Variants in AATF observed in about 807,000 individuals in gnomAD.
The protein encoded by AATF is protein AATF.
A neutral mutation model predicts 63.7 loss-of-function variants in AATF; 48 were observed. The ratio of observed to expected loss-of-function variants is 0.75; its 90% CI spans 0.60 to 0.96. The LOEUF is 0.96. Among genes scored for constraint, AATF ranks in the 40% least tolerant of loss-of-function variants. The pLI, the probability that AATF is intolerant of heterozygous loss-of-function variation, is 0.00. For missense variants in AATF, 639 were observed against 685.7 expected, an observed-to-expected ratio of 0.93 and a Z score of 0.76; for synonymous variants, 258 against 247.7, an observed-to-expected ratio of 1.04 and a Z score of -0.39.
rs1340573131 is a variant in AATF at position 36,953,166 on chromosome 17, C to A, written c.564C>A (p.Asp188Glu). 1.2e-6 allele frequency: 2 copies of A among 1,614,114 alleles called. No homozygotes were observed. The highest frequency in any genetic ancestry group is 1.7e-6 in the Non-Finnish European group (2 of 1,180,024). Residue 188 changes from aspartate to glutamate, a missense_variant, in exon 3 of 12, where the codon GAC becomes GAA. Coordinates refer to ENST00000619387, the MANE Select transcript of AATF (RefSeq NM_012138.4). ...TGGAAGAAGGGGATGACGCGGAAGA[C>A]TCCCAAGGCGAGAGTGAGGAAGACA... ...SGMEEGDDAE[D>E]SQGESEEDRA... is the part of the protein sequence containing the mutation.
intron 4 of AATF, among the ~76,000 whole-genome samples, chr17:36,974,301 C>T (rs1319990242): frequency 6.6e-6 from 1 of 151,792 alleles, no homozygotes; most frequent in Non-Finnish European, 1.5e-5. Flanking sequence ...AATATTTTTC[C>T]TTGTCATTAA....
intron 11 of AATF, chr17:37,052,708 C>G (rs2071763324): frequency 6.6e-6 from 1 of 152,436 alleles, no homozygotes; most frequent in South Asian, 2.1e-4. Flanking sequence ...TCGTCCTTCT[C>G]TGGCCTTGAA....
At chr17:37,008,465 G>A (rs966620052) in intron 8 of AATF, among the ~76,000 whole-genome samples, 4 of 152,190 alleles carry the variant, frequency 2.6e-5, no homozygotes, top group African/African-American at 9.6e-5. Flanking sequence ...TCACATAAGT[G>A]AAAATTCATA....
At position 36,950,523 on chromosome 17, in the gene AATF, G is replaced by A. The variant is rs35798242; in HGVS notation, c.283+118G>A. 2.7e-3 allele frequency: 2,974 copies of A among 1,083,862 alleles called. 54 individuals are homozygous for A. The African/African-American group carries it at 0.042, about 15-fold the overall frequency. 67.1% of individuals were successfully genotyped at this position (1,083,862 alleles called of 1,614,324 possible). A position where few individuals can be genotyped will look rare whatever the true frequency, so the allele number is the denominator to read the frequency against. ...GTCTGCGGATCTTTTTTTTGAGACA[G>A]AGTTTGGCTCTTGTTGCCCAGGCTG... is the stretch of plus-strand genomic sequence containing the variant. On this transcript the variant is annotated intron_variant, in intron 2 of 11. Transcript: ENST00000619387.
At position 36,949,188 on chromosome 17, in the gene AATF, G is replaced by GGCGGACCCTGAA; in HGVS notation, c.72_83dup (p.Ala26_Glu29dup). 1 of 1,593,818 alleles carries GGCGGACCCTGAA rather than the reference G, an allele frequency of 6.3e-7. No individual in the cohort carries two copies. Among genetic ancestry groups the GGCGGACCCTGAA allele is most frequent in the Non-Finnish European group, 8.5e-7 (1 of 1,171,936 alleles). ...AGTTGTTGAACCCGCGACCAAGCGAGGCGGACCCTGAAGCGGACCCCGAGG... is the reference window on the plus strand; with the variant it reads ...AGTTGTTGAACCCGCGACCAAGCGAGGCGGACCCTGAAGCGGACCCTGAAGCGGACCCCGAGG... On this transcript the variant is annotated inframe_insertion, in exon 1 of 12. Transcript: ENST00000619387.
At chr17:36,982,672 T>C (rs150056606) in intron 4 of AATF, among the ~76,000 whole-genome samples, 1 of 152,268 alleles carries the variant, frequency 6.6e-6, no homozygotes, top group African/African-American at 2.4e-5. Context: ...TTGTTGTTTT[T>C]TTTGTTTGTT....
At chr17:37,046,730 AACACACACACACACACACACACACACAC>A (rs58296683) in intron 11 of AATF, among the ~76,000 whole-genome samples, 10 of 140,056 alleles carry the variant, frequency 7.1e-5, no homozygotes, top group Non-Finnish European at 9.3e-5. Flanking sequence ...GTGCTCCCCC[AACACACACACACACACACACACACACAC>A]ACACACACAC....
chr17:36,983,135 A>G (rs955407055), intron 4 of AATF, among the ~76,000 whole-genome samples: 24 of 151,940 alleles, frequency 1.6e-4, no homozygotes, highest in African/African-American at 5.8e-4. Context: ...TCAACCACCT[A>G]GGCTTAAGGG....
Position 37,043,318 on chromosome 17 carries a change from C to T in AATF, c.1619+11633C>T, listed in dbSNP as rs1350004393. 3.3e-5 allele frequency: 5 copies of T among 152,366 alleles called. No individual in the cohort carries two copies. In the East Asian group the frequency reaches 7.7e-4, roughly 23 times the overall value. 9.4% of individuals were successfully genotyped at this position (152,366 alleles called of 1,614,324 possible). A position where few individuals can be genotyped will look rare whatever the true frequency, so the allele number is the denominator to read the frequency against. On this transcript the variant is annotated intron_variant, in intron 11 of 11. Coordinates refer to ENST00000619387, the MANE Select transcript of AATF (RefSeq NM_012138.4). ...TCCCTGGGACACACTCCCTATTCTG[C>T]ATGTCTGTTCATTCTGCTCATAGCC... is the stretch of plus-strand genomic sequence containing the variant.
chr17:37,051,693 GACAGACACACACACAC>G (rs1444950345), intron 11 of AATF, among the ~76,000 whole-genome samples: 2 of 140,942 alleles, frequency 1.4e-5, no homozygotes, highest in Non-Finnish European at 3.1e-5. Flanking sequence ...CAGACAGACA[GACAGACACACACACAC>G]ACACACACAC....
intron 8 of AATF, among the ~76,000 whole-genome samples, chr17:37,012,576 G>A (rs567089294): frequency 6.6e-6 from 1 of 152,326 alleles, no homozygotes; most frequent in South Asian, 2.1e-4. Context: ...ATAGAGGGTT[G>A]CCCCAAGCTT....
rs2070897964 is a variant in AATF at position 36,956,162 on chromosome 17, G to C, written c.832+2255G>C. On this transcript the variant is annotated intron_variant, in intron 4 of 11. Coordinates refer to ENST00000619387, the MANE Select transcript of AATF (RefSeq NM_012138.4). ...CTTAACCAATTGCCTTTACCTCATT[G>C]ATGAACCTCAATTAATCTGACAGCA... 2.6e-5 allele frequency among the ~76,000 whole-genome samples: 4 copies of C among 152,112 alleles called. No individual in the cohort carries two copies. In the South Asian group the frequency reaches 8.3e-4, roughly 32 times the overall value.
At chr17:36,983,514 A>AT (rs981340016) in intron 4 of AATF, among the ~76,000 whole-genome samples, 26 of 151,268 alleles carry the variant, frequency 1.7e-4, no homozygotes, top group Non-Finnish European at 3.1e-4. Context: ...TACCCGGCTG[A>AT]TTTTTTTTGT....
intron 8 of AATF, among the ~76,000 whole-genome samples, chr17:36,999,661 A>T (rs953281353): frequency 1.3e-5 from 2 of 152,218 alleles, no homozygotes; most frequent in African/African-American, 2.4e-5. Flanking sequence ...GTAGAGAATG[A>T]TGAAACTGGT....
At chr17:37,052,582 C>T (rs892606597) in intron 11 of AATF, 1 of 152,246 alleles carries the variant, frequency 6.6e-6, no homozygotes, top group Non-Finnish European at 1.5e-5. Flanking sequence ...CAGAGACTTT[C>T]CAAGGGGAAG....
chr17:36,974,920 T>C (rs971853534), intron 4 of AATF, among the ~76,000 whole-genome samples: 2 of 152,206 alleles, frequency 1.3e-5, no homozygotes, highest in Admixed American at 1.3e-4. Flanking sequence ...TCTGGAATTA[T>C]ATCTACCTCA....
At chr17:37,024,968 A>G (rs2071500397) in intron 10 of AATF, among the ~76,000 whole-genome samples, 1 of 152,174 alleles carries the variant, frequency 6.6e-6, no homozygotes, top group Non-Finnish European at 1.5e-5. Flanking sequence ...CAAAAAAAAA[A>G]AGATAATTGT....
At chr17:37,025,732 G>C (rs1257391113) in intron 10 of AATF, among the ~76,000 whole-genome samples, 1 of 152,158 alleles carries the variant, frequency 6.6e-6, no homozygotes, top group African/African-American at 2.4e-5. Context: ...ATCTTGATTA[G>C]TTTGTTTCAT....
At chr17:37,039,166 G>A (rs142398743) in intron 11 of AATF, among the ~76,000 whole-genome samples, 1 of 152,280 alleles carries the variant, frequency 6.6e-6, no homozygotes, top group African/African-American at 2.4e-5. Context: ...TTCTGGTGTA[G>A]CTTGCTCAGC....
Sources: allele counts gnomAD v4.1 joint callset (sites outside exome capture counted in the v4.1 genomes callset), GRCh38; gene constraint gnomAD v4.1.1; transcripts MANE v1.5; gene names NCBI Gene and HGNC (gene_info 2026-07-23, HGNC 2026-07-21).